ARHGEF9: variants seen among roughly 807,000 people sequenced by gnomAD.
ARHGEF9 encodes the protein rho guanine nucleotide exchange factor 9.
Under a neutral mutation model 41.3 loss-of-function variants are expected in ARHGEF9, and 2 were observed. The observed-to-expected ratio is 0.05, with a 90% CI of 0.02 to 0.15. The LOEUF (loss-of-function observed/expected upper bound fraction) is 0.15. Among genes scored for constraint, ARHGEF9 ranks in the 10% least tolerant of loss-of-function variants. ARHGEF9 has a pLI of 1.00. For missense variants in ARHGEF9, 225 were observed against 424.7 expected (o/e 0.53, Z 4.13); for synonymous variants, 160 against 154.4 (o/e 1.04, Z -0.27).
intron 8 of ARHGEF9, among the ~76,000 whole-genome samples, chrX:63,648,267 C>T (rs1216384702): frequency 9.0e-6 from 1 of 111,634 alleles, no homozygotes; most frequent in Non-Finnish European, 1.9e-5. Context: ...AGAAACTCTA[C>T]AAGCCAGAAG....
intron 1 of ARHGEF9, among the ~76,000 whole-genome samples, chrX:63,766,045 T>C (rs1216039223): frequency 1.8e-5 from 2 of 112,511 alleles, no homozygotes; most frequent in African/African-American, 6.5e-5. Flanking sequence ...TTCCCCGCTG[T>C]ATTTTTTCTC....
chrX:63,784,751 TGTC>T (rs2056434842), intron 1 of ARHGEF9, among the ~76,000 whole-genome samples: 1 of 110,707 alleles, frequency 9.0e-6, no homozygotes, highest in Admixed American at 9.5e-5. Flanking sequence ...CGTGCCAGCT[TGTC>T]AGCCTCCTGC....
At chrX:63,685,946 T>C (rs1328572947) in intron 4 of ARHGEF9, among the ~76,000 whole-genome samples, 1 of 111,605 alleles carries the variant, frequency 9.0e-6, no homozygotes. Context: ...ATAAACTGGA[T>C]TTCAATAAAA....
At chrX:63,665,829 G>A (rs2049501768) in intron 7 of ARHGEF9, 57 bp downstream of exon 7, 2 of 1,186,044 alleles carry the variant, frequency 1.7e-6, no homozygotes, top group East Asian at 3.1e-5. Context: ...ATGAAGAGGA[G>A]GGTCCGGTAC....
chrX:63,693,667 T>C (rs2051521011), intron 4 of ARHGEF9, among the ~76,000 whole-genome samples: 1 of 106,219 alleles, frequency 9.4e-6, no homozygotes, highest in Non-Finnish European at 1.9e-5. Flanking sequence ...TACATATTAA[T>C]TTTTAATAAA....
intron 3 of ARHGEF9, among the ~76,000 whole-genome samples, chrX:63,701,907 T>A (rs1227703241): frequency 2.7e-5 from 3 of 112,260 alleles, no homozygotes; most frequent in African/African-American, 9.7e-5. Flanking sequence ...CATATTTTTA[T>A]CCTAGGATAC....
intron 4 of ARHGEF9, among the ~76,000 whole-genome samples, chrX:63,692,685 A>G (rs1314296662): frequency 8.9e-6 from 1 of 112,077 alleles, no homozygotes; most frequent in Non-Finnish European, 1.9e-5. Context: ...TGATCCAGCA[A>G]TCCCACTGCT....
chrX:63,699,627 T>C (rs1288116568), intron 3 of ARHGEF9, among the ~76,000 whole-genome samples: 1 of 112,253 alleles, frequency 8.9e-6, no homozygotes, highest in Non-Finnish European at 1.9e-5. Context: ...TATTATATTA[T>C]GTATGTTATG....
intron 1 of ARHGEF9, among the ~76,000 whole-genome samples, chrX:63,740,718 C>T (rs1415849198): frequency 8.9e-6 from 1 of 111,797 alleles, no homozygotes; most frequent in Non-Finnish European, 1.9e-5. Flanking sequence ...TCCCCAGCTA[C>T]GTGTCCCCCT....
intron 8 of ARHGEF9, among the ~76,000 whole-genome samples, chrX:63,646,967 T>C (rs2048136054): frequency 1.8e-5 from 2 of 111,420 alleles, no homozygotes; most frequent in African/African-American, 3.3e-5. Flanking sequence ...GTTGGATTCC[T>C]AGGTATTTTA....
At chrX:63,748,596 T>A (rs1368439875) in intron 1 of ARHGEF9, among the ~76,000 whole-genome samples, 29 of 112,007 alleles carry the variant, frequency 2.6e-4, no homozygotes, top group Admixed American at 1.2e-3. Flanking sequence ...GTAAATGGTT[T>A]GGACCTACAT....
At position 63,662,591 on chromosome X, in the gene ARHGEF9, G is replaced by A. The variant is rs183866413; in HGVS notation, c.1077+3295C>T. On this transcript the variant is annotated intron_variant, in intron 7 of 9. Coordinates refer to ENST00000671741, the MANE Select transcript of ARHGEF9 (RefSeq NM_001353921.2). ...TACCAATGTGGAATCTGGAGCCAGC[G>A]TATCTGAATGTAATTCCTGGCTCTA... 8.1e-4 allele frequency among the ~76,000 whole-genome samples: 91 copies of A among 111,670 alleles called. No individual in the cohort carries two copies. In the South Asian group the frequency reaches 9.4e-3, roughly 11 times the overall value.
At position 63,637,155 on chromosome X, in the gene ARHGEF9, T is replaced by C; in HGVS notation, c.*873A>G. ...ATCAAACTAACTCCTAGATGCAAAA[T>C]TGCAACGACCCAGAAGTGCTGCAAC... On this transcript the variant is annotated 3_prime_UTR_variant, in exon 10 of 10. Coordinates refer to ENST00000671741, the MANE Select transcript of ARHGEF9 (RefSeq NM_001353921.2). The C allele has an allele frequency of 3.4e-6, 1 of 297,047 alleles. No individual in the cohort carries two copies. The highest frequency in any genetic ancestry group is 6.1e-5 in the Admixed American group (1 of 16,430). The allele number at this position is 297,047 out of a possible 1,213,427, so 24.5% of individuals were successfully genotyped here.
chrX:63,654,591 A>G (rs1299094678), intron 8 of ARHGEF9, among the ~76,000 whole-genome samples: 3 of 111,913 alleles, frequency 2.7e-5, no homozygotes, highest in Non-Finnish European at 5.6e-5. Flanking sequence ...ACCTCTGGAT[A>G]ATTTCAATCG....
rs144148769 is a variant in ARHGEF9, at chrX:63,713,765, G to C, written c.211-7316C>G. On this transcript the variant is annotated intron_variant, in intron 2 of 9. Transcript: ENST00000671741. Reference sequence around the variant, plus strand: ...TTGGAGCCCCAGTCTCAGCTTTCAGGAGGATCAGAAGTGCTTAGGGATTCC... The same window carrying C: ...TTGGAGCCCCAGTCTCAGCTTTCAGCAGGATCAGAAGTGCTTAGGGATTCC... Among the ~76,000 whole-genome samples, 389 of 109,491 alleles carry C rather than the reference G, an allele frequency of 3.6e-3. 1 individual carries two copies. Among genetic ancestry groups the C allele is most frequent in the Non-Finnish European group, 6.3e-3 (333 of 52,595 alleles).
intron 1 of ARHGEF9, among the ~76,000 whole-genome samples, chrX:63,735,094 C>T (rs1161416038): frequency 9.0e-6 from 1 of 110,947 alleles, no homozygotes; most frequent in Non-Finnish European, 1.9e-5. Flanking sequence ...TCCAGCTACC[C>T]ACTGGAGACT....
chrX:63,692,141 T>C (rs782131047), intron 4 of ARHGEF9, among the ~76,000 whole-genome samples: 13 of 112,222 alleles, frequency 1.2e-4, no homozygotes, highest in Admixed American at 2.8e-4. Context: ...AGGTCATTGA[T>C]ATGCACAAAG....
At chrX:63,705,423 C>T (rs782586422) in intron 3 of ARHGEF9, among the ~76,000 whole-genome samples, 1 of 104,749 alleles carries the variant, frequency 9.5e-6, no homozygotes, top group South Asian at 4.6e-4. Context: ...TAAAACGCTG[C>T]CTTCATTTCC....
chrX:63,676,772 C>T (rs1466030154), intron 5 of ARHGEF9, among the ~76,000 whole-genome samples: 1 of 112,279 alleles, frequency 8.9e-6, no homozygotes, highest in Non-Finnish European at 1.9e-5. Context: ...GCTGTACTGT[C>T]CAACATGGTA....
Sources: allele counts gnomAD v4.1 joint callset (sites outside exome capture counted in the v4.1 genomes callset), GRCh38; gene constraint gnomAD v4.1.1; transcripts MANE v1.5; gene names NCBI Gene and HGNC (gene_info 2026-07-23, HGNC 2026-07-21).